The following KIF16B variants were observed in gnomAD, a reference collection of about 807,000 sequenced individuals.
KIF16B encodes kinesin family member 16B, also known as kinesin-like protein KIF16B.
A neutral mutation model predicts 156.3 loss-of-function variants in KIF16B; 98 were observed. That is an observed-to-expected ratio of 0.63 (90% CI 0.53 to 0.74). KIF16B has a LOEUF of 0.74. KIF16B is among the 30% of genes least tolerant of loss of function. The pLI is 0.00. For synonymous variants in KIF16B, 564 were observed against 583.7 expected, an observed-to-expected ratio of 0.97 and a Z score of 0.49; for missense variants, 1,421 against 1,606.5, an observed-to-expected ratio of 0.88 and a Z score of 1.97.
chr20:16,570,461 T>A (rs541681891), intron 1 of KIF16B, among the ~76,000 whole-genome samples: 1 of 152,244 alleles, frequency 6.6e-6, no homozygotes, highest in East Asian at 1.9e-4. Flanking sequence ...GTCTGTTTCA[T>A]CACTCCTGTA....
rs760081823 is a variant in KIF16B, at chr20:16,427,250, GA to G, written c.1475-10del. ...GTCAAGGCCATGAAGAACTAAAGTGGAAAAACAAAGTAGAAAGAATTTTTCC... is the reference window on the plus strand; with the variant it reads ...GTCAAGGCCATGAAGAACTAAAGTGGAAAACAAAGTAGAAAGAATTTTTCC... On this transcript the variant is annotated splice_polypyrimidine_tract_variant and intron_variant, in intron 14 of 25. Coordinates refer to ENST00000354981, the MANE Select transcript of KIF16B (RefSeq NM_024704.5). 1 of 1,599,994 alleles carries G rather than the reference GA, an allele frequency of 6.3e-7. No individual in the cohort carries two copies. Among genetic ancestry groups the G allele is most frequent in the Non-Finnish European group, 8.5e-7 (1 of 1,175,058 alleles).
At chr20:16,402,161 T>C (rs1382639695) in intron 17 of KIF16B, among the ~76,000 whole-genome samples, 2 of 152,138 alleles carry the variant, frequency 1.3e-5, no homozygotes, top group African/African-American at 2.4e-5. Flanking sequence ...ATGCTTTCCA[T>C]TCTCCCCCTT....
intron 17 of KIF16B, among the ~76,000 whole-genome samples, chr20:16,383,243 A>C (rs2065147917): frequency 6.6e-6 from 1 of 152,178 alleles, no homozygotes; most frequent in Non-Finnish European, 1.5e-5. Context: ...TAAAGGTGGC[A>C]AACAGTATCT....
chr20:16,379,572 T>G lies in KIF16B; in HGVS notation c.2430A>C (p.Gly810=), dbSNP rs1290008865. The G allele has an allele frequency of 3.1e-6, 5 of 1,613,984 alleles. No individual in the cohort carries two copies. The highest frequency in any genetic ancestry group is 4.2e-6 in the Non-Finnish European group (5 of 1,180,024). ...SLLRVKEARA[G]GDEDGEELEK... ...CTAACTCCTCGCCATCTTCATCCCC[T>G]CCGGCACGAGCCTCCTTCACCCGCA... Residue 810 remains glycine (G), a synonymous_variant, in exon 19 of 26, where the codon GGA becomes GGC. Coordinates refer to ENST00000354981, the MANE Select transcript of KIF16B (RefSeq NM_024704.5).
chr20:16,463,178 A>G (rs1418427838), intron 12 of KIF16B, among the ~76,000 whole-genome samples: 2 of 152,168 alleles, frequency 1.3e-5, no homozygotes, highest in Non-Finnish European at 2.9e-5. Context: ...TGTCTGCAGG[A>G]AAGAGAGCTT....
chr20:16,474,232 T>C (rs1261165403), intron 12 of KIF16B, among the ~76,000 whole-genome samples: 1 of 152,156 alleles, frequency 6.6e-6, no homozygotes, highest in East Asian at 1.9e-4. Flanking sequence ...ACGCCCCCCT[T>C]TGTGACCCCA....
chr20:16,378,711 T>TA (rs5840714), intron 19 of KIF16B, 94 bp downstream of exon 19: 37,060 of 1,103,836 alleles, frequency 0.034, 105 homozygotes, highest in South Asian at 0.054. Flanking sequence ...AAGAATAAGT[T>TA]AAAAAAAAAA....
chr20:16,497,221 T>C (rs56347736), intron 11 of KIF16B, among the ~76,000 whole-genome samples: 1 of 152,228 alleles, frequency 6.6e-6, no homozygotes, highest in Admixed American at 6.5e-5. Context: ...AGTGCCACTC[T>C]TCCCACTGGG....
rs373142666 is a variant in KIF16B, at chr20:16,354,688, G to A, written c.3621+1642C>T. ...AGGCTGGGCGCGGTGGCTCATGCCT[G>A]TAATCCTAGCACTTTGGGAGGCCAA... On this transcript the variant is annotated intron_variant, in intron 23 of 25. Coordinates refer to ENST00000354981, the MANE Select transcript of KIF16B (RefSeq NM_024704.5). 8.4e-4 allele frequency among the ~76,000 whole-genome samples: 128 copies of A among 152,360 alleles called. 5 individuals carry two copies. The South Asian group carries it at 0.026, about 31-fold the overall frequency.
rs76200953 is a variant in KIF16B at position 16,375,929 on chromosome 20, A to C, written c.3198-1520T>G. ...ACATGGTCAGAAGACTAGAGGGCTA[A>C]GTGGATCAGAGATGGGTGATGAGAT... On this transcript the variant is annotated intron_variant, in intron 19 of 25. Coordinates refer to ENST00000354981, the MANE Select transcript of KIF16B (RefSeq NM_024704.5). Among the ~76,000 whole-genome samples the C allele has an allele frequency of 6.6e-5, 10 of 152,290 alleles. No individual in the cohort carries two copies. In the East Asian group the frequency reaches 1.9e-3, roughly 29 times the overall value.
At chr20:16,357,731 T>G (rs2064471707) in intron 22 of KIF16B, among the ~76,000 whole-genome samples, 1 of 152,226 alleles carries the variant, frequency 6.6e-6, no homozygotes, top group South Asian at 2.1e-4. Context: ...ATAATTTGTT[T>G]CAGATTGCTG....
chr20:16,315,204 T>C (rs1215426470), intron 24 of KIF16B, among the ~76,000 whole-genome samples: 1 of 152,162 alleles, frequency 6.6e-6, no homozygotes, highest in Non-Finnish European at 1.5e-5. Context: ...GGAGGAAGCA[T>C]TCTGTGCTAT....
intron 22 of KIF16B, among the ~76,000 whole-genome samples, chr20:16,357,296 CAATT>C (rs1420209654): frequency 6.6e-6 from 1 of 152,118 alleles, no homozygotes; most frequent in East Asian, 1.9e-4. Flanking sequence ...TGAATTGGCT[CAATT>C]AATCTTCACA....
chr20:16,506,092 CCCGGTGGCT>C lies in KIF16B; in HGVS notation c.789_797del (p.Ala264_Gly266del). On this transcript the variant is annotated inframe_deletion, in exon 8 of 26. Transcript: ENST00000354981. ...TATTTCCCCCTTCCTTTAGCCTAACCCCGGTGGCTCCGGTGGCATCTGCACGCTCACTTC... is the reference window on the plus strand; with the variant it reads ...TATTTCCCCCTTCCTTTAGCCTAACCCCGGTGGCATCTGCACGCTCACTTC... The C allele has an allele frequency of 1.2e-6, 2 of 1,614,006 alleles. No individual in the cohort carries two copies. Among genetic ancestry groups the C allele is most frequent in the Non-Finnish European group, 1.7e-6 (2 of 1,179,888 alleles).
rs1002842307 is a variant in KIF16B, at chr20:16,492,702, G to A, written c.1302+1589C>T. ...CCCTACTACATTGACATGGAGGGAC[G>A]CTGCCGCAGCAGCAGAAGAGACGGA... On this transcript the variant is annotated intron_variant, in intron 12 of 25. Coordinates refer to ENST00000354981, the MANE Select transcript of KIF16B (RefSeq NM_024704.5). 2.6e-5 allele frequency among the ~76,000 whole-genome samples: 4 copies of A among 152,198 alleles called. No homozygotes were observed. The South Asian group carries it at 8.3e-4, about 32-fold the overall frequency.
intron 17 of KIF16B, among the ~76,000 whole-genome samples, chr20:16,397,528 A>T (rs956149477): frequency 2.0e-5 from 3 of 152,240 alleles, no homozygotes; most frequent in Non-Finnish European, 4.4e-5. Flanking sequence ...TGGGCTGTTT[A>T]GAAAATTAGT....
intron 15 of KIF16B, 60 bp from the exon 16 acceptor site, chr20:16,406,516 C>A: frequency 2.2e-6 from 3 of 1,337,026 alleles, no homozygotes; most frequent in Non-Finnish European, 3.2e-6. Flanking sequence ...GTTGCCAATA[C>A]CATAACATGG....
chr20:16,322,921 C>T lies in KIF16B; in HGVS notation c.3712-10503G>A, dbSNP rs114565906. Among the ~76,000 whole-genome samples the T allele has an allele frequency of 2.6e-3, 400 of 151,886 alleles. 5 individuals carry two copies. The highest frequency in any genetic ancestry group is 9.0e-3 in the African/African-American group (372 of 41,474). ...TATAAGCCATTTTGATAAATGGCAT[C>T]GCTATTACTTTGGATATAAATAATG... On this transcript the variant is annotated intron_variant, in intron 24 of 25. Coordinates refer to ENST00000354981, the MANE Select transcript of KIF16B (RefSeq NM_024704.5).
At chr20:16,507,180 G>T (rs766619425) in intron 7 of KIF16B, among the ~76,000 whole-genome samples, 1 of 152,026 alleles carries the variant, frequency 6.6e-6, no homozygotes, top group Non-Finnish European at 1.5e-5. Flanking sequence ...ATCAACTTGA[G>T]TAAATCTAAA....
Sources: gnomAD v4.1 joint callset for allele counts (sites outside exome capture counted in the v4.1 genomes callset) on GRCh38, gnomAD v4.1.1 for gene constraint, MANE v1.5 for transcripts, NCBI Gene and HGNC (gene_info 2026-07-23, HGNC 2026-07-21) for gene names.